SLC9B1: variants seen among roughly 807,000 people sequenced by gnomAD.
SLC9B1 encodes solute carrier family 9 member B1.
In SLC9B1, 32 loss-of-function variants were observed where a neutral mutation model predicts 51.7. That is an observed-to-expected ratio of 0.62 (90% confidence interval 0.47 to 0.83). The LOEUF is 0.83. Among genes scored for constraint, SLC9B1 ranks in the 40% least tolerant of loss-of-function variants. SLC9B1 has a pLI of 0.00. For synonymous variants in SLC9B1, 145 were observed against 212.7 expected, an observed-to-expected ratio of 0.68 and a Z score of 2.77; for missense variants, 406 against 613.2, an observed-to-expected ratio of 0.66 and a Z score of 3.57.
chr4:102,901,597 A>G (rs1344370047), intron 11 of SLC9B1, among the ~76,000 whole-genome samples: 1 of 152,008 alleles, frequency 6.6e-6, no homozygotes, highest in Non-Finnish European at 1.5e-5. Context: ...CTCTATTCGA[A>G]TATCTCTTTT....
At chr4:102,965,886 A>C (rs1738399368) in intron 3 of SLC9B1, among the ~76,000 whole-genome samples, 3 of 152,228 alleles carry the variant, frequency 2.0e-5, no homozygotes, top group Admixed American at 6.5e-5. Context: ...CAAAAGAAGA[A>C]AGAGGTGACA....
At chr4:102,907,518 C>A (rs781128030) in intron 9 of SLC9B1, among the ~76,000 whole-genome samples, 8 of 152,110 alleles carry the variant, frequency 5.3e-5, no homozygotes, top group Non-Finnish European at 1.2e-4. Flanking sequence ...ATATTAGATT[C>A]TCATTTAACT....
chr4:102,951,908 T>C (rs938550631), intron 3 of SLC9B1, among the ~76,000 whole-genome samples: 4 of 128,472 alleles, frequency 3.1e-5, no homozygotes, highest in African/African-American at 1.2e-4. Flanking sequence ...TAAAAATAGA[T>C]ACTTAGATAA....
At chr4:102,936,382 T>G (rs1211695750) in intron 6 of SLC9B1, among the ~76,000 whole-genome samples, 1 of 152,230 alleles carries the variant, frequency 6.6e-6, no homozygotes, top group East Asian at 1.9e-4. Flanking sequence ...GCAATCATAC[T>G]AACTCTCTAA....
intron 7 of SLC9B1, among the ~76,000 whole-genome samples, chr4:102,922,096 A>C (rs1374438208): frequency 6.6e-6 from 1 of 152,236 alleles, no homozygotes; most frequent in East Asian, 1.9e-4. Context: ...ACCCCAAATC[A>C]ACAGAGTATA....
intron 7 of SLC9B1, among the ~76,000 whole-genome samples, chr4:102,921,796 G>A (rs561656611): frequency 1.3e-5 from 2 of 152,196 alleles, no homozygotes; most frequent in Non-Finnish European, 2.9e-5. Context: ...AACCAACAAA[G>A]ATCAAAAGAG....
chr4:102,901,594 C>T (rs754320873), intron 11 of SLC9B1, among the ~76,000 whole-genome samples: 4 of 151,744 alleles, frequency 2.6e-5, no homozygotes, highest in Admixed American at 6.6e-5. Flanking sequence ...TTCCTCTATT[C>T]GAATATCTCT....
At chr4:103,010,857 A>T (rs985165689) in intron 1 of SLC9B1, among the ~76,000 whole-genome samples, 2 of 152,220 alleles carry the variant, frequency 1.3e-5, no homozygotes, top group African/African-American at 4.8e-5. Context: ...ATTAAGTTTC[A>T]ACATGAAATT....
At position 102,951,759 on chromosome 4, in the gene SLC9B1, A is replaced by G. The variant is rs372859285; in HGVS notation, c.212-2332T>C. Among the ~76,000 whole-genome samples the G allele has an allele frequency of 5.9e-5, 9 of 151,746 alleles. No homozygotes were observed. In the South Asian group the frequency reaches 1.5e-3, roughly 25 times the overall value. ...GGAAAAGATCTAAAACACAACTAAT[A>G]GTAGTTTCAGAAACATAATTGAAAG... On this transcript the variant is annotated intron_variant, in intron 3 of 11. Coordinates refer to ENST00000296422, the MANE Select transcript of SLC9B1 (RefSeq NM_139173.4).
chr4:102,928,123 G>A (rs1446308469), intron 7 of SLC9B1, among the ~76,000 whole-genome samples: 2 of 152,090 alleles, frequency 1.3e-5, no homozygotes, highest in South Asian at 4.1e-4. Context: ...AATACCTAAT[G>A]TAAATGATGA....
rs1270135992 is a variant in SLC9B1, at chr4:103,001,050, A to T, written c.-1-9338T>A. Among the ~76,000 whole-genome samples the T allele has an allele frequency of 2.0e-5, 3 of 152,222 alleles. No individual in the cohort carries two copies. In the East Asian group the frequency reaches 5.8e-4, roughly 29 times the overall value. ...TCTAGGTGGAGGTTTGCAAAGCTCA[A>T]TTCTTGACTTCTGTGCACCCATGGG... On this transcript the variant is annotated intron_variant, in intron 1 of 11. Transcript: ENST00000296422.
chr4:102,998,248 A>G (rs1740329039), intron 1 of SLC9B1, among the ~76,000 whole-genome samples: 2 of 152,144 alleles, frequency 1.3e-5, no homozygotes, highest in African/African-American at 4.8e-5. Flanking sequence ...TAGGTACTTT[A>G]TATGATTCAA....
chr4:102,957,334 C>T (rs1403195686), intron 3 of SLC9B1, among the ~76,000 whole-genome samples: 1 of 152,064 alleles, frequency 6.6e-6, no homozygotes, highest in Non-Finnish European at 1.5e-5. Flanking sequence ...TTCAACAAAT[C>T]TCAAGTAGGA....
chr4:102,908,872 A>C (rs1310890876), intron 9 of SLC9B1, among the ~76,000 whole-genome samples: 1 of 152,302 alleles, frequency 6.6e-6, no homozygotes, highest in Non-Finnish European at 1.5e-5. Context: ...AAAAATAAAT[A>C]ACCCAATAAA....
chr4:102,972,868 C>T (rs1030447825), intron 3 of SLC9B1, among the ~76,000 whole-genome samples: 1 of 152,060 alleles, frequency 6.6e-6, no homozygotes, highest in Non-Finnish European at 1.5e-5. Flanking sequence ...AAAATTAATG[C>T]ATCCTTCAAG....
intron 11 of SLC9B1, among the ~76,000 whole-genome samples, 160 bp downstream of exon 11, chr4:102,905,353 CA>C (rs1734992378): frequency 2.9e-5 from 2 of 70,016 alleles, no homozygotes; most frequent in African/African-American, 4.7e-5. Context: ...CCTGAGTAGC[CA>C]GGACTGGTTA....
intron 1 of SLC9B1, among the ~76,000 whole-genome samples, chr4:102,998,604 G>GTTT (rs138863134): frequency 1.7e-3 from 246 of 146,436 alleles, no homozygotes; most frequent in African/African-American, 5.9e-3. Flanking sequence ...TCATCATATG[G>GTTT]TTTTTTTTTT....
chr4:102,943,228 G>A (rs889205677), intron 6 of SLC9B1, among the ~76,000 whole-genome samples: 8 of 151,874 alleles, frequency 5.3e-5, no homozygotes, highest in African/African-American at 1.9e-4. Context: ...CACTGCTGGG[G>A]GGAATGTAAA....
chr4:102,936,109 G>C (rs1313867249), intron 6 of SLC9B1, among the ~76,000 whole-genome samples: 63 of 152,164 alleles, frequency 4.1e-4, no homozygotes, highest in Non-Finnish European at 8.8e-5. Context: ...TATGGTACCA[G>C]CCCTGCAAAG....
Sources: gnomAD v4.1 joint callset for allele counts (sites outside exome capture counted in the v4.1 genomes callset) on GRCh38, gnomAD v4.1.1 for gene constraint, MANE v1.5 for transcripts, NCBI Gene and HGNC (gene_info 2026-07-23, HGNC 2026-07-21) for gene names.